Variants in ELMO1 observed in about 807,000 individuals in gnomAD.
The protein encoded by ELMO1 is engulfment and cell motility protein 1.
In ELMO1, 26 loss-of-function variants were observed where a neutral mutation model predicts 98.9. That is an observed-to-expected ratio of 0.26 (90% CI 0.19 to 0.36). The LOEUF (loss-of-function observed/expected upper bound fraction) is 0.36, where lower values mean the gene tolerates loss of function less well. Among genes scored for constraint, ELMO1 ranks in the 10% least tolerant of loss-of-function variants. ELMO1 has a pLI of 1.00. For synonymous variants in ELMO1, 346 were observed against 346.0 expected (o/e 1.00, Z 0.00); for missense variants, 627 against 935.2 (o/e 0.67, Z 4.30).
intron 15 of ELMO1, among the ~76,000 whole-genome samples, chr7:37,062,260 C>T (rs1796705084): frequency 6.6e-6 from 1 of 152,156 alleles, no homozygotes; most frequent in African/African-American, 2.4e-5. Context: ...GAAGGAATGA[C>T]TCATGGTGAT....
At chr7:37,207,086 T>C (rs1156476938) in intron 13 of ELMO1, among the ~76,000 whole-genome samples, 4 of 152,182 alleles carry the variant, frequency 2.6e-5, no homozygotes, top group African/African-American at 9.7e-5. Context: ...ACACAACACT[T>C]TGCAGAGTGT....
intron 6 of ELMO1, among the ~76,000 whole-genome samples, chr7:37,250,524 T>TA (rs1307531179): frequency 2.0e-5 from 3 of 152,042 alleles, no homozygotes; most frequent in Non-Finnish European, 2.9e-5. Flanking sequence ...AAAGTTAATT[T>TA]AAAAAAACTT....
At chr7:37,097,824 C>T (rs1005606361) in intron 14 of ELMO1, among the ~76,000 whole-genome samples, 5 of 152,164 alleles carry the variant, frequency 3.3e-5, no homozygotes, top group Admixed American at 2.6e-4. Flanking sequence ...TCCACCTATT[C>T]CTACTGGTCC....
chr7:37,118,607 G>A (rs982962720), intron 14 of ELMO1, among the ~76,000 whole-genome samples: 2 of 152,192 alleles, frequency 1.3e-5, no homozygotes, highest in African/African-American at 2.4e-5. Context: ...GAGTGGGAAC[G>A]GGAACAATCA....
chr7:36,994,613 TTCCTTCCTCCTCCCAC>T, intron 16 of ELMO1, among the ~76,000 whole-genome samples: 1 of 152,330 alleles, frequency 6.6e-6, no homozygotes, highest in African/African-American at 2.4e-5. Flanking sequence ...TTGTCTCCCA[TTCCTTCCTCCTCCCAC>T]TCCTGCAATC....
chr7:37,379,319 G>A (rs1802493842), intron 1 of ELMO1, among the ~76,000 whole-genome samples: 1 of 152,102 alleles, frequency 6.6e-6, no homozygotes, highest in Admixed American at 6.5e-5. Context: ...GGATTAACAG[G>A]TGTGAGCCAC....
chr7:37,187,790 G>A, intron 13 of ELMO1, among the ~76,000 whole-genome samples: 1 of 152,118 alleles, frequency 6.6e-6, no homozygotes, highest in East Asian at 1.9e-4. Context: ...TAATTTTTGT[G>A]TAGACTAAAA....
At position 36,956,827 on chromosome 7, in the gene ELMO1, A is replaced by G. The variant is rs116272112; in HGVS notation, c.1437+56472T>C. On this transcript the variant is annotated intron_variant, in intron 16 of 21. Coordinates refer to ENST00000310758, the MANE Select transcript of ELMO1 (RefSeq NM_014800.11). ...AAATAATCAGTAGCCTACAGGTTTG[A>G]TTACAACGCCGGAAAAAATGGCAAG... 7.7e-3 allele frequency among the ~76,000 whole-genome samples: 1,174 copies of G among 152,362 alleles called. 13 individuals carry two copies. The highest frequency in any genetic ancestry group is 0.026 in the African/African-American group (1,093 of 41,578).
intron 15 of ELMO1, among the ~76,000 whole-genome samples, chr7:37,067,359 T>G (rs1250924504): frequency 6.6e-6 from 1 of 152,228 alleles, no homozygotes; most frequent in Non-Finnish European, 1.5e-5. Context: ...TTTTCAGGTC[T>G]GTTGGTCAGC....
At chr7:37,262,423 T>G (rs1037018875) in intron 5 of ELMO1, among the ~76,000 whole-genome samples, 3 of 152,146 alleles carry the variant, frequency 2.0e-5, no homozygotes, top group Non-Finnish European at 4.4e-5. Flanking sequence ...TTCTCCAAAT[T>G]GTCAAACTAC....
intron 19 of ELMO1, among the ~76,000 whole-genome samples, chr7:36,876,334 C>T (rs1400703293): frequency 6.7e-5 from 10 of 149,850 alleles, no homozygotes; most frequent in African/African-American, 2.5e-4. Context: ...TTCTTGTAAT[C>T]GAGGGTCCTT....
At chr7:37,331,177 T>A (rs1465639859) in intron 2 of ELMO1, among the ~76,000 whole-genome samples, 1 of 150,864 alleles carries the variant, frequency 6.6e-6, no homozygotes, top group Admixed American at 6.6e-5. Flanking sequence ...GCATTTTTCT[T>A]TTTTTTTTTG....
At chr7:37,156,331 G>A (rs1788761628) in intron 13 of ELMO1, among the ~76,000 whole-genome samples, 1 of 152,156 alleles carries the variant, frequency 6.6e-6, no homozygotes, top group Non-Finnish European at 1.5e-5. Context: ...GAGCAGAACT[G>A]AAGGAGACAG....
At chr7:36,958,676 G>A (rs60420579) in intron 16 of ELMO1, among the ~76,000 whole-genome samples, 1 of 152,010 alleles carries the variant, frequency 6.6e-6, no homozygotes, top group Non-Finnish European at 1.5e-5. Context: ...TCTTCCTAAG[G>A]AGCATTTCTT....
intron 1 of ELMO1, among the ~76,000 whole-genome samples, chr7:37,425,023 C>T (rs376214174): frequency 2.0e-5 from 3 of 152,032 alleles, no homozygotes; most frequent in African/African-American, 4.8e-5. Flanking sequence ...AAAGGCAAGC[C>T]CTCTGCCTTA....
chr7:37,046,462 T>A (rs1795803169), intron 15 of ELMO1, among the ~76,000 whole-genome samples: 1 of 152,210 alleles, frequency 6.6e-6, no homozygotes, highest in African/African-American at 2.4e-5. Context: ...CTGACCCACT[T>A]GGAGCTACTT....
At chr7:37,200,249 T>TA (rs1563073266) in intron 13 of ELMO1, among the ~76,000 whole-genome samples, 1 of 150,430 alleles carries the variant, frequency 6.6e-6, no homozygotes, top group Non-Finnish European at 1.5e-5. Context: ...AATTAATTTT[T>TA]TTTTTTTTTT....
intron 15 of ELMO1, among the ~76,000 whole-genome samples, chr7:37,073,466 G>A (rs1797388661): frequency 6.6e-6 from 1 of 152,160 alleles, no homozygotes; most frequent in Admixed American, 6.5e-5. Flanking sequence ...CATGGTGGCA[G>A]AATAGTAAGG....
At chr7:37,023,376 T>G (rs1794387019) in intron 15 of ELMO1, among the ~76,000 whole-genome samples, 1 of 152,152 alleles carries the variant, frequency 6.6e-6, no homozygotes, top group Non-Finnish European at 1.5e-5. Context: ...ATGATTTCAG[T>G]GGGCTTTTCA....
Sources: gnomAD v4.1 joint callset for allele counts (sites outside exome capture counted in the v4.1 genomes callset) on GRCh38, gnomAD v4.1.1 for gene constraint, MANE v1.5 for transcripts, NCBI Gene and HGNC (gene_info 2026-07-23, HGNC 2026-07-21) for gene names.